LRFN5: variants seen among roughly 807,000 people sequenced by gnomAD.
LRFN5 encodes the protein leucine rich repeat and fibronectin type III domain containing 5.
A neutral mutation model predicts 45.6 loss-of-function variants in LRFN5; 24 were observed. The ratio of observed to expected loss-of-function variants is 0.53; its 90% confidence interval spans 0.38 to 0.74. The LOEUF (loss-of-function observed/expected upper bound fraction) is 0.74. Ranked by LOEUF, LRFN5 falls within the 30% of genes least tolerant of loss-of-function variation. The pLI, the probability that LRFN5 is intolerant of heterozygous loss-of-function variation, is 0.00. For missense variants in LRFN5, 776 were observed against 861.5 expected (o/e 0.90, Z 1.24); for synonymous variants, 340 against 313.8 (o/e 1.08, Z -0.88).
At chr14:41,816,214 T>C (rs141209359) in intron 2 of LRFN5, among the ~76,000 whole-genome samples, 49 of 152,208 alleles carry the variant, frequency 3.2e-4, no homozygotes, top group African/African-American at 1.2e-3. Context: ...ATTCTAATTC[T>C]TCTCTCCTGT....
chr14:41,627,683 T>G (rs141056689), intron 1 of LRFN5, among the ~76,000 whole-genome samples: 10 of 152,262 alleles, frequency 6.6e-5, no homozygotes, highest in African/African-American at 2.4e-4. Context: ...TATATAGATA[T>G]CTCTATGTTA....
chr14:41,795,033 A>T (rs553416952), intron 2 of LRFN5, among the ~76,000 whole-genome samples: 2 of 152,042 alleles, frequency 1.3e-5, no homozygotes, highest in Non-Finnish European at 2.9e-5. Context: ...TTTGGTATAT[A>T]TACTATATAT....
chr14:41,784,631 TTG>T (rs34858248), intron 2 of LRFN5, among the ~76,000 whole-genome samples: 113,303 of 150,626 alleles, frequency 0.75, 43,021 homozygotes, highest in East Asian at 0.92. Flanking sequence ...GTGTGTGTGT[TTG>T]TGTGTGTGTG....
At chr14:41,774,219 TA>T (rs1199097828) in intron 2 of LRFN5, among the ~76,000 whole-genome samples, 3 of 152,242 alleles carry the variant, frequency 2.0e-5, no homozygotes, top group African/African-American at 7.2e-5. Context: ...ATCCAATTTG[TA>T]CTGACTCAAT....
intron 2 of LRFN5, among the ~76,000 whole-genome samples, chr14:41,857,351 A>C (rs1170698591): frequency 6.6e-6 from 1 of 152,158 alleles, no homozygotes; most frequent in African/African-American, 2.4e-5. Context: ...TTTCCCTGGA[A>C]ACAGAAAAGA....
intron 1 of LRFN5, among the ~76,000 whole-genome samples, chr14:41,764,548 A>G (rs1204158090): frequency 1.3e-5 from 2 of 152,188 alleles, no homozygotes; most frequent in African/African-American, 2.4e-5. Context: ...AAATAAAGAC[A>G]TAGACCTACT....
At chr14:41,708,690 C>G (rs535233284) in intron 1 of LRFN5, among the ~76,000 whole-genome samples, 1 of 150,618 alleles carries the variant, frequency 6.6e-6, no homozygotes, top group Admixed American at 6.7e-5. Flanking sequence ...CTATATTGAT[C>G]CCTCCCATTA....
At chr14:41,823,506 A>C (rs901371815) in intron 2 of LRFN5, among the ~76,000 whole-genome samples, 1 of 152,124 alleles carries the variant, frequency 6.6e-6, no homozygotes, top group Non-Finnish European at 1.5e-5. Context: ...TCTGCAGAGA[A>C]GTGCACTGTT....
intron 2 of LRFN5, among the ~76,000 whole-genome samples, chr14:41,871,609 T>G (rs1890022543): frequency 6.6e-6 from 1 of 151,972 alleles, no homozygotes; most frequent in Non-Finnish European, 1.5e-5. Context: ...AATCCCAAAT[T>G]TATACAATAG....
At chr14:41,742,927 C>T in intron 1 of LRFN5, 1 of 155,398 alleles carries the variant, frequency 6.4e-6, no homozygotes, top group Non-Finnish European at 1.4e-5. Flanking sequence ...CCTCCCAGTG[C>T]TATCCTATCT....
chr14:41,762,581 A>T (rs867725837), intron 1 of LRFN5, among the ~76,000 whole-genome samples: 1 of 152,146 alleles, frequency 6.6e-6, no homozygotes, highest in African/African-American at 2.4e-5. Flanking sequence ...ATTTCTGAAT[A>T]ATTATGCTTT....
At chr14:41,758,479 G>T (rs1018012761) in intron 1 of LRFN5, among the ~76,000 whole-genome samples, 2 of 152,014 alleles carry the variant, frequency 1.3e-5, no homozygotes, top group South Asian at 4.1e-4. Flanking sequence ...ATTTCATTTT[G>T]ACAGTCTTGG....
At chr14:41,637,088 C>G (rs1879341016) in intron 1 of LRFN5, among the ~76,000 whole-genome samples, 1 of 152,156 alleles carries the variant, frequency 6.6e-6, no homozygotes, top group Non-Finnish European at 1.5e-5. Context: ...TGTCAGGCAG[C>G]TTCTCCCTAT....
chr14:41,625,365 C>T (rs1303547499), intron 1 of LRFN5, among the ~76,000 whole-genome samples: 1 of 152,092 alleles, frequency 6.6e-6, no homozygotes, highest in East Asian at 1.9e-4. Flanking sequence ...TAAGCAGCTT[C>T]CTCCTGTGCT....
intron 2 of LRFN5, among the ~76,000 whole-genome samples, chr14:41,884,669 T>A (rs192258201): frequency 6.6e-5 from 10 of 152,030 alleles, no homozygotes; most frequent in African/African-American, 2.4e-4. Context: ...CACCCTCCCC[T>A]TAACGATCTC....
intron 1 of LRFN5, among the ~76,000 whole-genome samples, chr14:41,761,314 AG>A (rs528651905): frequency 1.4e-4 from 21 of 151,924 alleles, no homozygotes; most frequent in African/African-American, 4.8e-4. Flanking sequence ...GAGGGAAGGA[AG>A]AAATGGGGGA....
intron 2 of LRFN5, among the ~76,000 whole-genome samples, chr14:41,863,811 C>G (rs1342094494): frequency 6.6e-6 from 1 of 152,144 alleles, no homozygotes; most frequent in Non-Finnish European, 1.5e-5. Context: ...TTAGGTATTT[C>G]TCCTAATGCC....
At chr14:41,781,440 T>C (rs571465744) in intron 2 of LRFN5, among the ~76,000 whole-genome samples, 57 of 151,138 alleles carry the variant, frequency 3.8e-4, no homozygotes, top group Non-Finnish European at 7.2e-4. Context: ...TGAGACTGCA[T>C]TGAGTCGTGA....
At chr14:41,809,837 G>C (rs554827722) in intron 2 of LRFN5, among the ~76,000 whole-genome samples, 2 of 151,736 alleles carry the variant, frequency 1.3e-5, no homozygotes, top group African/African-American at 4.8e-5. Context: ...TAAAAATACT[G>C]TACACTCCTG....
Sources: allele counts gnomAD v4.1 joint callset (sites outside exome capture counted in the v4.1 genomes callset), GRCh38; gene constraint gnomAD v4.1.1; transcripts MANE v1.5; gene names NCBI Gene and HGNC (gene_info 2026-07-23, HGNC 2026-07-21).